Variants in IL1RAPL1 observed in about 807,000 individuals in gnomAD.
IL1RAPL1 encodes interleukin 1 receptor accessory protein like 1.
IL1RAPL1 carries 3 observed loss-of-function variants against 48.4 expected under a neutral mutation model. That is an observed-to-expected ratio of 0.06 (90% CI 0.03 to 0.16). The LOEUF (loss-of-function observed/expected upper bound fraction) is 0.16. Ranked by LOEUF, IL1RAPL1 falls within the 10% of genes least tolerant of loss-of-function variation. The probability of loss-of-function intolerance (pLI) is 1.00; values close to 1 mark genes in which losing one functional copy is unlikely to be tolerated. For synonymous variants in IL1RAPL1, 185 were observed against 187.7 expected, an observed-to-expected ratio of 0.99 and a Z score of 0.12; for missense variants, 349 against 530.6, an observed-to-expected ratio of 0.66 and a Z score of 3.36.
intron 2 of IL1RAPL1, among the ~76,000 whole-genome samples, chrX:29,158,931 T>TCC (rs1176557881): frequency 3.6e-5 from 2 of 55,665 alleles, no homozygotes; most frequent in Admixed American, 2.0e-4. Context: ...TCTCTCTCTC[T>TCC]CCCCCCCCCT....
chrX:29,859,014 A>G, intron 6 of IL1RAPL1, among the ~76,000 whole-genome samples: 1 of 111,525 alleles, frequency 9.0e-6, no homozygotes, highest in South Asian at 3.8e-4. Context: ...GCAATCATGA[A>G]GCAGCTGCCT....
intron 3 of IL1RAPL1, among the ~76,000 whole-genome samples, chrX:29,373,416 CTTGCCTGAT>C (rs1933572728): frequency 9.0e-6 from 1 of 111,702 alleles, no homozygotes; most frequent in Non-Finnish European, 1.9e-5. Context: ...GTGTCTTTCT[CTTGCCTGAT>C]TACTCTGGCT....
intron 3 of IL1RAPL1, among the ~76,000 whole-genome samples, chrX:29,381,232 C>G (rs934027612): frequency 1.9e-4 from 21 of 109,119 alleles, no homozygotes; most frequent in African/African-American, 7.0e-4. Flanking sequence ...AATAATAGAC[C>G]AGGTAAATAC....
intron 5 of IL1RAPL1, among the ~76,000 whole-genome samples, chrX:29,560,763 A>G (rs1394573961): frequency 1.8e-5 from 2 of 109,960 alleles, no homozygotes; most frequent in African/African-American, 6.6e-5. Context: ...TGTTTTTCTG[A>G]TTTTGTTCAT....
chrX:29,151,559 GAAA>G (rs1011625945), intron 2 of IL1RAPL1, among the ~76,000 whole-genome samples: 5 of 111,417 alleles, frequency 4.5e-5, no homozygotes, highest in African/African-American at 1.6e-4. Context: ...AGTGAGATGG[GAAA>G]AGGAAGCTGA....
At chrX:29,314,548 C>T (rs762468449) in intron 3 of IL1RAPL1, among the ~76,000 whole-genome samples, 37 of 112,625 alleles carry the variant, frequency 3.3e-4, no homozygotes, top group African/African-American at 1.1e-3. Flanking sequence ...TAGTTTACAA[C>T]ATTATTTCCT....
At chrX:28,943,473 G>A (rs912928226) in intron 2 of IL1RAPL1, among the ~76,000 whole-genome samples, 1 of 110,019 alleles carries the variant, frequency 9.1e-6, no homozygotes, top group Non-Finnish European at 1.9e-5. Context: ...CATGGAGGAA[G>A]AATTGTAATT....
intron 2 of IL1RAPL1, among the ~76,000 whole-genome samples, chrX:29,245,722 A>C (rs142893582): frequency 1.1e-4 from 12 of 112,014 alleles, no homozygotes; most frequent in African/African-American, 3.6e-4. Context: ...CCCATTCTGT[A>C]GGTTGCCTTT....
intron 5 of IL1RAPL1, among the ~76,000 whole-genome samples, chrX:29,560,457 A>G (rs1922154728): frequency 8.9e-6 from 1 of 111,975 alleles, no homozygotes; most frequent in South Asian, 3.7e-4. Flanking sequence ...ATTTCTTTAA[A>G]TAAACTTTCT....
chrX:29,167,122 G>A (rs1057378587), intron 2 of IL1RAPL1, among the ~76,000 whole-genome samples: 2 of 111,504 alleles, frequency 1.8e-5, no homozygotes, highest in Admixed American at 1.9e-4. Context: ...CTTCCTCCAT[G>A]AGAACCTTGC....
intron 6 of IL1RAPL1, among the ~76,000 whole-genome samples, chrX:29,758,761 G>T (rs148890824): frequency 0.082 from 8,890 of 109,033 alleles, 325 homozygotes; most frequent in Middle Eastern, 0.25. Flanking sequence ...GTCAAGTATT[G>T]GCCATTATTC....
chrX:29,719,743 C>CAAA (rs372308075), intron 6 of IL1RAPL1, among the ~76,000 whole-genome samples: 12 of 21,862 alleles, frequency 5.5e-4, no homozygotes, highest in East Asian at 1.2e-3. Context: ...GAAAGATGAG[C>CAAA]AAAAAAAAAA....
chrX:28,631,178 C>T (rs752941030), intron 1 of IL1RAPL1, among the ~76,000 whole-genome samples: 3 of 111,726 alleles, frequency 2.7e-5, no homozygotes, highest in Non-Finnish European at 5.6e-5. Flanking sequence ...CCTATTGGCT[C>T]CATCCCCCAT....
chrX:29,792,263 T>G (rs970960683), intron 6 of IL1RAPL1, among the ~76,000 whole-genome samples: 11 of 112,073 alleles, frequency 9.8e-5, no homozygotes, highest in Admixed American at 1.9e-4. Flanking sequence ...ACTGGCCATG[T>G]GCTATGATTT....
At chrX:29,897,309 T>G in intron 6 of IL1RAPL1, among the ~76,000 whole-genome samples, 1 of 106,408 alleles carries the variant, frequency 9.4e-6, no homozygotes, top group East Asian at 2.8e-4. Flanking sequence ...AGTTTCTATT[T>G]ATTTTTTTTT....
chrX:28,610,103 G>A (rs1934130505), intron 1 of IL1RAPL1, among the ~76,000 whole-genome samples: 1 of 112,091 alleles, frequency 8.9e-6, no homozygotes, highest in Non-Finnish European at 1.9e-5. Flanking sequence ...TTGTAGCTCT[G>A]CCAGTCAGTT....
At chrX:29,368,014 G>T (rs1365592854) in intron 3 of IL1RAPL1, among the ~76,000 whole-genome samples, 1 of 109,566 alleles carries the variant, frequency 9.1e-6, no homozygotes, top group Non-Finnish European at 1.9e-5. Flanking sequence ...TAATACAGTT[G>T]GCCCTCCATA....
intron 2 of IL1RAPL1, among the ~76,000 whole-genome samples, chrX:28,815,076 A>C (rs897389293): frequency 2.7e-5 from 3 of 110,286 alleles, no homozygotes; most frequent in Non-Finnish European, 5.7e-5. Context: ...GCAGTTATAT[A>C]ATATAAGAAT....
At chrX:29,135,051 C>A (rs779039980) in intron 2 of IL1RAPL1, among the ~76,000 whole-genome samples, 1 of 111,864 alleles carries the variant, frequency 8.9e-6, no homozygotes, top group African/African-American at 3.2e-5. Flanking sequence ...TATTATCACA[C>A]CTAAAATAAC....
Sources: allele counts gnomAD v4.1 joint callset (sites outside exome capture counted in the v4.1 genomes callset), GRCh38; gene constraint gnomAD v4.1.1; transcripts MANE v1.5; gene names NCBI Gene and HGNC (gene_info 2026-07-23, HGNC 2026-07-21).